NBPF12: variants seen among roughly 807,000 people sequenced by gnomAD.
NBPF12 encodes NBPF family member NBPF12.
Under a neutral mutation model 146.4 loss-of-function variants are expected in NBPF12, and 115 were observed. That is an observed-to-expected ratio of 0.79 (90% CI 0.68 to 0.92). The LOEUF (loss-of-function observed/expected upper bound fraction) is 0.92, where lower values mean the gene tolerates loss of function less well. NBPF12 is among the 40% of genes least tolerant of loss of function. The probability of loss-of-function intolerance (pLI) is 0.00; values close to 1 mark genes in which losing one functional copy is unlikely to be tolerated. For synonymous variants in NBPF12, 385 were observed against 508.9 expected (o/e 0.76, Z 3.28); for missense variants, 1,205 against 1,326.8 (o/e 0.91, Z 1.43).
At position 146,974,259 on chromosome 1, in the gene NBPF12, A is replaced by G. The variant is rs1656848954; in HGVS notation, c.1802-480A>G. On this transcript the variant is annotated intron_variant, in intron 14 of 33. Transcript: ENST00000617844. ...ATATGATTCTTAAAATCATAACTGA[A>G]GATATGATTAAAAAATCAAAGATTT... Among the ~76,000 whole-genome samples the G allele has an allele frequency of 2.1e-5, 3 of 145,846 alleles. No homozygotes were observed. The South Asian group carries it at 6.5e-4, about 32-fold the overall frequency.
At chr1:146,945,223 A>G (rs1482604888), upstream of NBPF12, among the ~76,000 whole-genome samples, 2 of 150,976 alleles carry the variant, frequency 1.3e-5, no homozygotes, top group Admixed American at 6.6e-5. Context: ...AATCTACATT[A>G]CTTATCAAAA....
chr1:146,965,262 G>A (rs1656114068), intron 8 of NBPF12, among the ~76,000 whole-genome samples, 158 bp downstream of exon 11: 1 of 151,190 alleles, frequency 6.6e-6, no homozygotes, highest in Non-Finnish European at 1.5e-5. Context: ...CACTTTGGAA[G>A]GCCCAAGTGG....
At chr1:146,946,512 C>CTTTTTTTTTTTTTTTTTTTTTTT (rs3071268), upstream of NBPF12, among the ~76,000 whole-genome samples, 1 of 41,044 alleles carries the variant, frequency 2.4e-5, no homozygotes, top group Non-Finnish European at 4.2e-5. Flanking sequence ...GATCTTTCAC[C>CTTTTTTTTTTTTTTTTTTTTTTT]TTTTTTTTTT....
chr1:146,965,825 C>G (rs1656165472), intron 8 of NBPF12, among the ~76,000 whole-genome samples: 1 of 69,692 alleles, frequency 1.4e-5, no homozygotes, highest in South Asian at 7.5e-4. Flanking sequence ...AAAAAAGTCT[C>G]TGACCAGGGG....
At chr1:146,956,054 G>A (rs1315822253) in intron 2 of NBPF12, among the ~76,000 whole-genome samples, 1 of 151,502 alleles carries the variant, frequency 6.6e-6, no homozygotes, top group African/African-American at 2.4e-5. Context: ...AGGGAGGCCT[G>A]TGTTAGTGAG....
At chr1:146,980,719 TG>T (rs1657316881) in intron 19 of NBPF12, among the ~76,000 whole-genome samples, 1 of 150,956 alleles carries the variant, frequency 6.6e-6, no homozygotes, top group East Asian at 1.9e-4. Flanking sequence ...GAAGGCAGTG[TG>T]GCAATTCCTC....
exon 34 of NBPF12, chr1:146,994,589 A>T (rs1658425044): frequency 5.6e-6 from 9 of 1,601,154 alleles, no homozygotes; most frequent in Non-Finnish European, 7.7e-6. Flanking sequence ...GCCCTTACTA[A>T]GCCGAGAGGT....
exon 17 of NBPF12, chr1:146,976,967 G>A (rs1657077524): frequency 1.4e-6 from 1 of 726,234 alleles, no homozygotes; most frequent in Non-Finnish European, 2.5e-6. Context: ...TCAAGTTGAG[G>A]TGGCTGAGAA....
chr1:146,988,049 C>G, exon 26 of NBPF12: 1 of 670,924 alleles, frequency 1.5e-6, no homozygotes, highest in Non-Finnish European at 2.7e-6. Flanking sequence ...CTTGAACAGC[C>G]TGACTCCTGC....
chr1:146,953,929 C>T (rs1553884119), intron 2 of NBPF12, among the ~76,000 whole-genome samples: 4,764 of 151,334 alleles, frequency 0.031, 161 homozygotes, highest in East Asian at 0.16. Flanking sequence ...TGCTAGAAAT[C>T]TACAAAAATC....
exon 8 of NBPF12, chr1:146,965,049 T>G: frequency 6.2e-7 from 1 of 1,608,412 alleles, no homozygotes; most frequent in Non-Finnish European, 8.5e-7. Flanking sequence ...CAACTGTGGT[T>G]GTAGACAGAA....
At chr1:146,996,168 G>T (rs1248373899), downstream of NBPF12, 1 of 127,336 alleles carries the variant, frequency 7.9e-6, no homozygotes, top group Non-Finnish European at 1.6e-5. Context: ...GGTGGGTACT[G>T]ATGTGAATTA....
exon 4 of NBPF12, chr1:146,960,132 A>G: frequency 3.4e-6 from 2 of 589,180 alleles, no homozygotes. Flanking sequence ...CTCTTCTGCC[A>G]CAAACGTCAG....
intron 9 of NBPF12, among the ~76,000 whole-genome samples, chr1:146,967,085 C>CTTT (rs1327120350): frequency 6.6e-6 from 1 of 151,134 alleles, no homozygotes; most frequent in Non-Finnish European, 1.5e-5. Context: ...GCCCAATACG[C>CTTT]AAAGCTCTGT....
At chr1:146,949,894 C>T (rs2101821540) in intron 1 of NBPF12, among the ~76,000 whole-genome samples, 1 of 151,932 alleles carries the variant, frequency 6.6e-6, no homozygotes, top group East Asian at 1.9e-4. Flanking sequence ...CAAGCTCCCA[C>T]CTTCTCTGAC....
exon 34 of NBPF12, chr1:146,994,438 C>G (rs1553890064): frequency 1.1e-5 from 18 of 1,612,032 alleles, no homozygotes; most frequent in Non-Finnish European, 1.5e-5. Flanking sequence ...TGACTCATTC[C>G]AGCACTACAG....
In NBPF12 at chr1:146,964,939, G is replaced by T; in HGVS notation, c.613G>T (p.Glu205Ter). 6.2e-7 allele frequency: 1 copy of T among 1,608,484 alleles called. No individual in the cohort carries two copies. The highest frequency in any genetic ancestry group is 1.7e-5 in the Admixed American group (1 of 59,936). Residue 205 changes from glutamate to a stop codon, truncating the protein, a stop_gained, in exon 8 of 34, where the codon GAG becomes TAG. Coordinates refer to ENST00000617844, the Ensembl canonical transcript of NBPF12. LOFTEE classifies it high-confidence loss of function. ...GAGCAAAGTCCCTGAGGACTCACTG[G>T]AGGAATGTGCCATCACTTGTTCAAA...
rs1342910946 is a variant in NBPF12 at position 146,961,994 on chromosome 1, C to T, written c.176-167C>T. Among the ~76,000 whole-genome samples, 8 of 152,102 alleles carry T rather than the reference C, an allele frequency of 5.3e-5. No individual in the cohort carries two copies. In the South Asian group the frequency reaches 1.7e-3, roughly 32 times the overall value. The stretch of plus-strand genomic sequence containing the variant: ...TCTTTAAATTTTGGAGGATCAGATG[C>T]CAGAAAGTCAGGAGACTGAAGAGTA... On this transcript the variant is annotated intron_variant, in intron 4 of 33. Transcript: ENST00000617844.
chr1:146,964,153 C>G (rs1237265487), intron 6 of NBPF12, among the ~76,000 whole-genome samples: 1 of 148,304 alleles, frequency 6.7e-6, no homozygotes, highest in Non-Finnish European at 1.5e-5. Flanking sequence ...TTGGCCACAT[C>G]TTGATGGTGG....
Sources: gnomAD v4.1 joint callset for allele counts (sites outside exome capture counted in the v4.1 genomes callset) on GRCh38, gnomAD v4.1.1 for gene constraint, MANE v1.5 for transcripts, NCBI Gene and HGNC (gene_info 2026-07-23, HGNC 2026-07-21) for gene names.